The following DZANK1 variants were observed in gnomAD, a reference collection of about 807,000 sequenced individuals.
The protein encoded by DZANK1 is double zinc ribbon and ankyrin repeat domains 1, also known as double zinc ribbon and ankyrin repeat-containing protein 1.
A neutral mutation model predicts 94.5 loss-of-function variants in DZANK1; 91 were observed. The ratio of observed to expected loss-of-function variants is 0.96; its 90% CI spans 0.81 to 1.15. The LOEUF (loss-of-function observed/expected upper bound fraction) is 1.15. DZANK1 is among the 50% of genes most tolerant of loss of function. The pLI is 0.00. For missense variants in DZANK1, 903 were observed against 916.4 expected (o/e 0.99, Z 0.19); for synonymous variants, 312 against 325.3 (o/e 0.96, Z 0.44).
exon 13 of DZANK1, chr20:18,412,810 G>A: frequency 6.2e-7 from 1 of 1,613,986 alleles, no homozygotes; most frequent in South Asian, 1.1e-5. Flanking sequence ...CCCAACATCA[G>A]ATCTGGGCAA....
intron 6 of DZANK1, among the ~76,000 whole-genome samples, chr20:18,452,369 A>C (rs1299861605): frequency 1.3e-5 from 2 of 152,150 alleles, no homozygotes; most frequent in South Asian, 2.1e-4. Flanking sequence ...TATCTTCTTC[A>C]TGACGCTTAC....
intron 2 of DZANK1, among the ~76,000 whole-genome samples, chr20:18,464,887 C>A (rs565055746): frequency 3.3e-5 from 5 of 151,888 alleles, no homozygotes; most frequent in Admixed American, 6.6e-5. Context: ...GTTGGCCAGG[C>A]TGGTCTTGAA....
intron 9 of DZANK1, among the ~76,000 whole-genome samples, chr20:18,429,288 C>T (rs2058185459): frequency 6.6e-6 from 1 of 152,200 alleles, no homozygotes; most frequent in Non-Finnish European, 1.5e-5. Context: ...TTCTCAAGTC[C>T]AACGGCTTCC....
chr20:18,445,735 C>T (rs995859138), intron 7 of DZANK1, among the ~76,000 whole-genome samples: 13 of 152,026 alleles, frequency 8.6e-5, no homozygotes, highest in African/African-American at 3.1e-4. Context: ...AACCCCACCC[C>T]TGCCACAAAA....
At position 18,433,733 on chromosome 20, in the gene DZANK1, T is replaced by TA. The variant is rs761430422; in HGVS notation, c.779dup (p.Pro261ThrfsTer11). 10 of 1,613,932 alleles carry TA rather than the reference T, an allele frequency of 6.2e-6. No homozygotes were observed. The highest frequency in any genetic ancestry group is 8.5e-6 in the Non-Finnish European group (10 of 1,179,904). ...CCACACAGATGGGAGTGTTCATGGG[T>TA]ACCAAGCTTCTGCATTCTGCACACA... On this transcript the variant is annotated frameshift_variant, in exon 9 of 21. Coordinates refer to ENST00000262547, the Ensembl canonical transcript of DZANK1. LOFTEE classifies it high-confidence loss of function.
chr20:18,420,985 T>C, intron 10 of DZANK1: 1 of 166,818 alleles, frequency 6.0e-6, no homozygotes, highest in Non-Finnish European at 1.3e-5. Flanking sequence ...ATTTTTTTTG[T>C]CCACATGAAT....
In DZANK1 at chr20:18,462,889, G is replaced by C. The variant is rs147290277; in HGVS notation, c.109+2361C>G. Among the ~76,000 whole-genome samples the C allele has an allele frequency of 2.7e-3, 372 of 137,140 alleles. 6 individuals are homozygous for C. The highest frequency in any genetic ancestry group is 0.025 in the Admixed American group (316 of 12,454). The allele number at this position is 137,140 out of a possible 152,430, so 90.0% of individuals were successfully genotyped here. A position where few individuals can be genotyped will look rare whatever the true frequency, so the allele number is the denominator to read the frequency against. On this transcript the variant is annotated intron_variant, in intron 2 of 20. Transcript: ENST00000262547. ...GGAGGCGGAGGTTGCAGTGACCCAA[G>C]ATTGCATCACTGCACTCCAGCCTGG...
chr20:18,439,904 A>G (rs567305810), intron 8 of DZANK1, among the ~76,000 whole-genome samples: 15 of 152,260 alleles, frequency 9.9e-5, no homozygotes, highest in African/African-American at 3.4e-4. Flanking sequence ...CCCAGAATTC[A>G]TTATATTGAA....
chr20:18,464,762 A>C lies in DZANK1; in HGVS notation c.109+488T>G, dbSNP rs971995111. On this transcript the variant is annotated intron_variant, in intron 2 of 20. Coordinates refer to ENST00000262547, the Ensembl canonical transcript of DZANK1. ...GCGATCTCGGCTCACTGCAACCTCC[A>C]TCACCCAGGTTCAAGCAATTCTCCT... Among the ~76,000 whole-genome samples the C allele has an allele frequency of 2.0e-4, 27 of 135,164 alleles. No individual in the cohort carries two copies. The Admixed American group carries it at 2.0e-3, about 10-fold the overall frequency. 88.7% of individuals were successfully genotyped at this position (135,164 alleles called of 152,430 possible). A position where few individuals can be genotyped will look rare whatever the true frequency, so the allele number is the denominator to read the frequency against.
At chr20:18,432,871 CA>C (rs1181642471) in intron 9 of DZANK1, 1 of 152,170 alleles carries the variant, frequency 6.6e-6, no homozygotes, top group Non-Finnish European at 1.5e-5. Context: ...AAAATGTTCA[CA>C]GTATGATATC....
At chr20:18,429,696 C>G (rs780131978) in intron 9 of DZANK1, among the ~76,000 whole-genome samples, 2 of 152,214 alleles carry the variant, frequency 1.3e-5, no homozygotes, top group Non-Finnish European at 2.9e-5. Flanking sequence ...ATGAACTTGT[C>G]TAAGTGATGG....
In DZANK1 at chr20:18,384,665, C is replaced by A. The variant is rs1418114545; in HGVS notation, c.2094-101G>T. 7.4e-5 allele frequency: 94 copies of A among 1,266,710 alleles called. 3 individuals are homozygous for A. The East Asian group carries it at 2.3e-3, about 32-fold the overall frequency. The allele number at this position is 1,266,710 out of a possible 1,614,324, so 78.5% of individuals were successfully genotyped here. On this transcript the variant is annotated intron_variant, in intron 20 of 20. Transcript: ENST00000262547. The stretch of plus-strand genomic sequence containing the variant: ...CCATGGAGGCCAGGCTGGGCCCCTC[C>A]TGGTCCCACCTCCCCAAACCTCTCC...
intron 8 of DZANK1, among the ~76,000 whole-genome samples, chr20:18,436,554 A>G (rs1157886029): frequency 1.3e-5 from 2 of 152,188 alleles, no homozygotes; most frequent in Non-Finnish European, 2.9e-5. Context: ...AATCTGAAGA[A>G]CAGAGAAAAA....
chr20:18,456,709 T>C (rs963652947), intron 3 of DZANK1, among the ~76,000 whole-genome samples: 2 of 152,196 alleles, frequency 1.3e-5, no homozygotes, highest in African/African-American at 2.4e-5. Flanking sequence ...TTTATTTGTT[T>C]TTTTTTGGAG....
At chr20:18,410,990 A>G (rs2057226737) in intron 13 of DZANK1, among the ~76,000 whole-genome samples, 1 of 152,220 alleles carries the variant, frequency 6.6e-6, no homozygotes, top group Admixed American at 6.5e-5. Context: ...CACCAAACTT[A>G]TGGGACGCAG....
At chr20:18,407,718 G>A (rs2057031483) in intron 13 of DZANK1, among the ~76,000 whole-genome samples, 1 of 152,194 alleles carries the variant, frequency 6.6e-6, no homozygotes, top group Non-Finnish European at 1.5e-5. Flanking sequence ...ATAAATTTAA[G>A]AGAGTTTGCA....
At chr20:18,416,284 A>C (rs1211245839) in intron 10 of DZANK1, among the ~76,000 whole-genome samples, 1 of 152,164 alleles carries the variant, frequency 6.6e-6, no homozygotes, top group Admixed American at 6.5e-5. Flanking sequence ...GTCTGTAGGG[A>C]GTTTCAGACG....
chr20:18,455,349 CTG>C lies in DZANK1; in HGVS notation c.274_275del (p.Gln92GlufsTer13). The C allele has an allele frequency of 6.2e-7, 1 of 1,602,082 alleles. No individual in the cohort carries two copies. On this transcript the variant is annotated frameshift_variant, in exon 4 of 21. Transcript: ENST00000262547. LOFTEE classifies it high-confidence loss of function. Reference sequence around the variant, plus strand: ...GAAACACCTTTGTCACAATGCCACTCTGTCTGCAGTCTCTGAAAATTATTATT... The same window carrying C: ...GAAACACCTTTGTCACAATGCCACTCTCTGCAGTCTCTGAAAATTATTATT...
chr20:18,395,066 T>A (rs979911017), intron 15 of DZANK1, among the ~76,000 whole-genome samples: 3 of 152,046 alleles, frequency 2.0e-5, no homozygotes, highest in African/African-American at 7.2e-5. Context: ...AACAAAAGAT[T>A]TATTAAACCT....
Sources: allele counts gnomAD v4.1 joint callset (sites outside exome capture counted in the v4.1 genomes callset), GRCh38; gene constraint gnomAD v4.1.1; transcripts MANE v1.5; gene names NCBI Gene and HGNC (gene_info 2026-07-23, HGNC 2026-07-21).